The following GRM8 variants were observed in gnomAD, a reference collection of about 807,000 sequenced individuals.
The protein encoded by GRM8 is glutamate metabotropic receptor 8.
A neutral mutation model predicts 87.2 loss-of-function variants in GRM8; 47 were observed. The observed-to-expected ratio is 0.54, with a 90% CI of 0.43 to 0.69. The LOEUF is 0.69. Ranked by LOEUF, GRM8 falls within the 30% of genes least tolerant of loss-of-function variation. GRM8 has a pLI of 0.00. For synonymous variants in GRM8, 396 were observed against 404.5 expected (o/e 0.98, Z 0.25); for missense variants, 1,019 against 1,139.2 (o/e 0.89, Z 1.52).
At chr7:126,721,177 C>A (rs914208300) in intron 7 of GRM8, among the ~76,000 whole-genome samples, 1 of 152,128 alleles carries the variant, frequency 6.6e-6, no homozygotes, top group Non-Finnish European at 1.5e-5. Flanking sequence ...TTCACAATGT[C>A]AAAAGCCTCA....
At chr7:127,081,402 T>A (rs1023470927) in intron 3 of GRM8, among the ~76,000 whole-genome samples, 1 of 152,222 alleles carries the variant, frequency 6.6e-6, no homozygotes, top group African/African-American at 2.4e-5. Context: ...ACACCTGGCA[T>A]CACCCCTACC....
At chr7:126,592,754 G>T (rs1312407566) in intron 8 of GRM8, among the ~76,000 whole-genome samples, 1 of 151,872 alleles carries the variant, frequency 6.6e-6, no homozygotes, top group East Asian at 1.9e-4. Flanking sequence ...GAAGACAAGA[G>T]TGGCCACTCT....
At chr7:126,688,868 A>G (rs1438609391) in intron 7 of GRM8, among the ~76,000 whole-genome samples, 2 of 152,072 alleles carry the variant, frequency 1.3e-5, no homozygotes, top group Non-Finnish European at 2.9e-5. Context: ...TCACAATGAG[A>G]GCTCTCGCTT....
At chr7:127,049,785 C>T (rs1222879984) in intron 3 of GRM8, among the ~76,000 whole-genome samples, 1 of 152,074 alleles carries the variant, frequency 6.6e-6, no homozygotes, top group African/African-American at 2.4e-5. Context: ...GATGCTTAAG[C>T]TCCACTTGAA....
chr7:127,207,995 C>G (rs898447760), intron 2 of GRM8, among the ~76,000 whole-genome samples: 6 of 152,178 alleles, frequency 3.9e-5, no homozygotes, highest in Non-Finnish European at 8.8e-5. Flanking sequence ...AACTGCAGCA[C>G]TCTCACCACC....
At chr7:126,918,397 G>C (rs1804157406) in intron 3 of GRM8, among the ~76,000 whole-genome samples, 1 of 152,062 alleles carries the variant, frequency 6.6e-6, no homozygotes, top group African/African-American at 2.4e-5. Flanking sequence ...TAAACACCCT[G>C]CTTTATGTAC....
At chr7:126,545,682 A>G (rs537531322) in intron 8 of GRM8, among the ~76,000 whole-genome samples, 10 of 152,170 alleles carry the variant, frequency 6.6e-5, no homozygotes, top group African/African-American at 2.2e-4. Context: ...ATTACATTGA[A>G]TCTATATGGT....
chr7:126,907,366 AG>A (rs1218927489), intron 3 of GRM8, among the ~76,000 whole-genome samples: 1 of 152,060 alleles, frequency 6.6e-6, no homozygotes, highest in East Asian at 1.9e-4. Context: ...CAGAAGCAGA[AG>A]AGGCAGAAGA....
intron 6 of GRM8, among the ~76,000 whole-genome samples, chr7:126,773,118 G>A (rs1235042450): frequency 6.6e-6 from 1 of 152,036 alleles, no homozygotes; most frequent in East Asian, 1.9e-4. Context: ...GTACAATAAT[G>A]GCAGAGGGAA....
chr7:126,947,971 G>A (rs1173254606), intron 3 of GRM8, among the ~76,000 whole-genome samples: 1 of 152,182 alleles, frequency 6.6e-6, no homozygotes, highest in Non-Finnish European at 1.5e-5. Context: ...CCAAATGTCA[G>A]ACAGCATCCT....
chr7:126,510,215 T>C (rs1811124340), intron 9 of GRM8, among the ~76,000 whole-genome samples: 1 of 151,834 alleles, frequency 6.6e-6, no homozygotes, highest in Non-Finnish European at 1.5e-5. Flanking sequence ...TTTTATGAGC[T>C]TTAAAAAAGT....
At chr7:127,133,502 C>A (rs981738346) in intron 2 of GRM8, among the ~76,000 whole-genome samples, 1 of 151,494 alleles carries the variant, frequency 6.6e-6, no homozygotes, top group East Asian at 1.9e-4. Flanking sequence ...ACGAGGAGAT[C>A]GAGACCATCC....
chr7:127,053,471 AT>A (rs1392233523), intron 3 of GRM8, among the ~76,000 whole-genome samples: 1 of 152,178 alleles, frequency 6.6e-6, no homozygotes, highest in Admixed American at 6.5e-5. Flanking sequence ...ACTTATATTG[AT>A]TATATACATA....
chr7:127,063,128 C>G lies in GRM8; in HGVS notation c.727+43368G>C, dbSNP rs201309672. On this transcript the variant is annotated intron_variant, in intron 3 of 10. Coordinates refer to ENST00000339582, the MANE Select transcript of GRM8 (RefSeq NM_000845.3). ...ATTAGCCAGACATGGTGGCAGGCACCTGTAGTCCTGGCTACTCAGGAGGCT... is the reference window on the plus strand; with the variant it reads ...ATTAGCCAGACATGGTGGCAGGCACGTGTAGTCCTGGCTACTCAGGAGGCT... 8.5e-5 allele frequency among the ~76,000 whole-genome samples: 13 copies of G among 152,232 alleles called. No individual in the cohort carries two copies. The East Asian group carries it at 2.1e-3, about 25-fold the overall frequency.
chr7:126,608,475 G>T (rs932715457), intron 8 of GRM8, among the ~76,000 whole-genome samples: 1 of 152,172 alleles, frequency 6.6e-6, no homozygotes, highest in Admixed American at 6.5e-5. Flanking sequence ...CCAATCCCAG[G>T]CCTTGGGAAC....
chr7:126,534,679 G>A (rs1479494486), intron 8 of GRM8, among the ~76,000 whole-genome samples: 6 of 152,118 alleles, frequency 3.9e-5, no homozygotes, highest in African/African-American at 7.2e-5. Context: ...TAACTCTATC[G>A]AGATACAAGC....
intron 7 of GRM8, among the ~76,000 whole-genome samples, chr7:126,736,869 C>T (rs1814288226): frequency 6.6e-6 from 1 of 152,002 alleles, no homozygotes; most frequent in South Asian, 2.1e-4. Context: ...CTTTCTCATT[C>T]TCCCCCTAAT....
intron 2 of GRM8, among the ~76,000 whole-genome samples, chr7:127,195,133 A>T (rs1795217559): frequency 6.6e-6 from 1 of 152,174 alleles, no homozygotes; most frequent in Middle Eastern, 3.2e-3. Context: ...TGTATCTGAT[A>T]CATATGTACA....
At chr7:126,601,414 C>A (rs1320914984) in intron 8 of GRM8, among the ~76,000 whole-genome samples, 1 of 152,064 alleles carries the variant, frequency 6.6e-6, no homozygotes, top group Admixed American at 6.6e-5. Context: ...GTCTTTATAG[C>A]AGCATGATTT....
Sources: allele counts gnomAD v4.1 joint callset (sites outside exome capture counted in the v4.1 genomes callset), GRCh38; gene constraint gnomAD v4.1.1; transcripts MANE v1.5; gene names NCBI Gene and HGNC (gene_info 2026-07-23, HGNC 2026-07-21).